Variants in SASH1 observed in about 807,000 individuals in gnomAD.
SASH1 encodes SAM and SH3 domain containing 1, also known as SAM and SH3 domain-containing protein 1.
A neutral mutation model predicts 125.2 loss-of-function variants in SASH1; 44 were observed. The ratio of observed to expected loss-of-function variants is 0.35; its 90% CI spans 0.28 to 0.45. SASH1 has a LOEUF of 0.45. SASH1 is among the 20% of genes least tolerant of loss of function. The pLI is 1.00. For missense variants in SASH1, 1,426 were observed against 1,614.5 expected, an observed-to-expected ratio of 0.88 and a Z score of 2.00; for synonymous variants, 639 against 649.1, an observed-to-expected ratio of 0.98 and a Z score of 0.24.
At chr6:148,534,242 G>A (rs1158057153) in intron 15 of SASH1, among the ~76,000 whole-genome samples, 1 of 152,212 alleles carries the variant, frequency 6.6e-6, no homozygotes, top group Non-Finnish European at 1.5e-5. Context: ...GCTGTAGGCA[G>A]AAACTCCTGG....
At chr6:148,262,237 T>C in the SASH1 span, among the ~76,000 whole-genome samples, 4 of 152,138 alleles carry the variant, frequency 2.6e-5, no homozygotes, top group South Asian at 8.3e-4. Flanking sequence ...TTTCCCACTA[T>C]TTAGTTCCTG....
Position 148,548,388 on chromosome 6 carries a change from C to T in SASH1, c.3574C>T (p.Pro1192Ser). ...VSDWLISIGLPMYAGTLSTAG... is the reference protein window; with the variant it reads ...VSDWLISIGLSMYAGTLSTAG... ...AGATTGGCTCATTTCCATCGGTCTG[C>T]CCATGTACGCCGGCACCCTCTCCAC... is the stretch of plus-strand genomic sequence containing the variant. The change falls in exon 20 of 20, where the codon CCC (proline) becomes TCC (serine). Residue 1192 changes from proline to serine, a missense_variant. Transcript: ENST00000367467. 1.2e-6 allele frequency: 2 copies of T among 1,614,212 alleles called. No homozygotes were observed. The highest frequency in any genetic ancestry group is 1.7e-6 in the Non-Finnish European group (2 of 1,180,040).
At chr6:148,439,864 C>G (rs1776471229) in intron 2 of SASH1, among the ~76,000 whole-genome samples, 1 of 152,050 alleles carries the variant, frequency 6.6e-6, no homozygotes, top group African/African-American at 2.4e-5. Context: ...GTCTTAGTGA[C>G]CAACTAAGTA....
At position 148,517,763 on chromosome 6, in the gene SASH1, C is replaced by A. The variant is rs1030406676; in HGVS notation, c.863-1784C>A. Among the ~76,000 whole-genome samples the A allele has an allele frequency of 3.9e-5, 6 of 152,176 alleles. No homozygotes were observed. The South Asian group carries it at 8.3e-4, about 21-fold the overall frequency. ...GCTGGTTCCAGACTCAGATGTGACACCAAAGTATTGGAATCTCTGACAACA... is the reference window on the plus strand; with the variant it reads ...GCTGGTTCCAGACTCAGATGTGACAACAAAGTATTGGAATCTCTGACAACA... On this transcript the variant is annotated intron_variant, in intron 9 of 19. Transcript: ENST00000367467.
intron 1 of SASH1, among the ~76,000 whole-genome samples, chr6:148,331,990 A>G (rs1200768431): frequency 6.6e-6 from 1 of 152,092 alleles, no homozygotes; most frequent in Non-Finnish European, 1.5e-5. Context: ...TACCCAGCCC[A>G]GAGAAAAGGA....
intron 1 of SASH1, among the ~76,000 whole-genome samples, chr6:148,355,334 G>A (rs72563860): frequency 0.027 from 4,067 of 152,232 alleles, 296 homozygotes; most frequent in East Asian, 0.25. Context: ...AACATGTGAC[G>A]CCCAGGTGGT....
At chr6:148,419,001 G>A (rs908140021) in intron 2 of SASH1, among the ~76,000 whole-genome samples, 1 of 152,020 alleles carries the variant, frequency 6.6e-6, no homozygotes, top group Non-Finnish European at 1.5e-5. Flanking sequence ...GCATTGTCAC[G>A]TGGCATATTG....
intron 4 of SASH1, among the ~76,000 whole-genome samples, chr6:148,456,348 C>T (rs1422435910): frequency 1.3e-5 from 2 of 152,222 alleles, no homozygotes; most frequent in African/African-American, 4.8e-5. Context: ...GAGCGTGTGG[C>T]AGCCCATTCT....
chr6:148,444,340 C>G (rs934080750), intron 4 of SASH1, among the ~76,000 whole-genome samples: 2 of 152,176 alleles, frequency 1.3e-5, no homozygotes, highest in Non-Finnish European at 2.9e-5. Context: ...AGGAAGTTAG[C>G]TCTGACCAGA....
At chr6:148,280,106 T>C (rs1779298327) in intron 1 of SASH1, among the ~76,000 whole-genome samples, 2 of 133,450 alleles carry the variant, frequency 1.5e-5, no homozygotes, top group Non-Finnish European at 3.1e-5. Flanking sequence ...AAAAAGATTG[T>C]GTATTTTCAA....
the SASH1 span, among the ~76,000 whole-genome samples, chr6:148,205,226 C>T: frequency 9.2e-5 from 14 of 152,210 alleles, no homozygotes; most frequent in Admixed American, 3.3e-4. Flanking sequence ...AGAAGTGGTC[C>T]GCATACCTGG....
chr6:148,541,533 T>C (rs909511177), intron 17 of SASH1, among the ~76,000 whole-genome samples: 18 of 152,110 alleles, frequency 1.2e-4, no homozygotes, highest in Admixed American at 5.9e-4. Flanking sequence ...CTTGTGTACA[T>C]GCATGTGTGT....
rs777519127 is a variant in SASH1, at chr6:148,390,143, C to T, written c.166C>T (p.Leu56=). The T allele has an allele frequency of 6.2e-7, 1 of 1,613,342 alleles. No individual in the cohort carries two copies. Among genetic ancestry groups the T allele is most frequent in the East Asian group, 2.2e-5 (1 of 44,842 alleles). The part of the protein sequence containing the change: ...TDVMGILDGS[L]GNIDDLAQQY... Reference sequence around the variant, plus strand: ...TTGTCCACCCCTTCAGGACGGTTCACTGGGAAACATCGATGACCTGGCGCA... The same window carrying T: ...TTGTCCACCCCTTCAGGACGGTTCATTGGGAAACATCGATGACCTGGCGCA... The change falls in exon 2 of 20, where the codon CTG becomes TTG. Residue 56 remains leucine (L), a synonymous_variant. Coordinates refer to ENST00000367467, the MANE Select transcript of SASH1 (RefSeq NM_015278.5).
At chr6:148,518,466 G>A (rs187166334) in intron 9 of SASH1, among the ~76,000 whole-genome samples, 48 of 152,224 alleles carry the variant, frequency 3.2e-4, no homozygotes, top group African/African-American at 1.1e-3. Flanking sequence ...GATGGCTGCC[G>A]TTCTTTTCCC....
At chr6:148,281,242 G>A (rs1779333746) in intron 1 of SASH1, among the ~76,000 whole-genome samples, 1 of 151,274 alleles carries the variant, frequency 6.6e-6, no homozygotes, top group African/African-American at 2.4e-5. Flanking sequence ...ACAGGCGTGA[G>A]CCACCGCGCC....
chr6:148,260,002 C>T, the SASH1 span, among the ~76,000 whole-genome samples: 1 of 152,166 alleles, frequency 6.6e-6, no homozygotes, highest in African/African-American at 2.4e-5. Flanking sequence ...TCTCCTGCCT[C>T]AGCCTCCTGA....
At chr6:148,457,857 T>C (rs1461473730) in intron 4 of SASH1, among the ~76,000 whole-genome samples, 1 of 152,136 alleles carries the variant, frequency 6.6e-6, no homozygotes, top group Non-Finnish European at 1.5e-5. Flanking sequence ...AGGAGAAGAA[T>C]GTGTGCCAGC....
chr6:148,403,437 C>T (rs1429147049), intron 2 of SASH1, among the ~76,000 whole-genome samples: 1 of 147,786 alleles, frequency 6.8e-6, no homozygotes, highest in Non-Finnish European at 1.5e-5. Context: ...TTACAACATA[C>T]ATTCATTGTA....
Position 148,496,586 on chromosome 6 carries a change from A to G in SASH1, c.729+8871A>G, listed in dbSNP as rs543425134. 3.3e-5 allele frequency among the ~76,000 whole-genome samples: 5 copies of G among 152,380 alleles called. No individual in the cohort carries two copies. In the South Asian group the frequency reaches 1.0e-3, roughly 32 times the overall value. ...CTTTTCAAAAATCTTTCTACATGTA[A>G]CTATGTTAAAATTAACTTTTATTGG... On this transcript the variant is annotated intron_variant, in intron 8 of 19. Coordinates refer to ENST00000367467, the MANE Select transcript of SASH1 (RefSeq NM_015278.5).
Sources: allele counts gnomAD v4.1 joint callset (sites outside exome capture counted in the v4.1 genomes callset), GRCh38; gene constraint gnomAD v4.1.1; transcripts MANE v1.5; gene names NCBI Gene and HGNC (gene_info 2026-07-23, HGNC 2026-07-21).